The following MED24 variants were observed in gnomAD, a reference collection of about 807,000 sequenced individuals.
MED24 encodes mediator complex subunit 24, also known as mediator of RNA polymerase II transcription subunit 24.
A neutral mutation model predicts 118.8 loss-of-function variants in MED24; 74 were observed. That is an observed-to-expected ratio of 0.62 (90% CI 0.52 to 0.76). The LOEUF (loss-of-function observed/expected upper bound fraction) is 0.76, where lower values mean the gene tolerates loss of function less well. Among genes scored for constraint, MED24 ranks in the 30% least tolerant of loss-of-function variants. The probability of loss-of-function intolerance (pLI) is 0.00; values close to 1 mark genes in which losing one functional copy is unlikely to be tolerated. For synonymous variants in MED24, 521 were observed against 523.9 expected (o/e 0.99, Z 0.08); for missense variants, 1,041 against 1,278.9 (o/e 0.81, Z 2.84).
At chr17:40,027,141 C>T (rs1982761665) in intron 16 of MED24, 107 bp from the exon 17 acceptor site, 2 of 1,394,940 alleles carry the variant, frequency 1.4e-6, no homozygotes, top group Non-Finnish European at 2.0e-6. Flanking sequence ...TCCAGCCCAG[C>T]CCAAAGACTG....
Position 40,026,055 on chromosome 17 carries a change from G to A in MED24, c.1985+101C>T, listed in dbSNP as rs138008338. On this transcript the variant is annotated intron_variant, in intron 19 of 25. Coordinates refer to ENST00000394128, the MANE Select transcript of MED24 (RefSeq NM_014815.4). ...GAAAGTGAGTGAGTGATCAAGTAGC[G>A]TGTTTGCGAAGGTCAGAAAAGAGAG... 445 of 1,193,870 alleles carry A rather than the reference G, an allele frequency of 3.7e-4. 1 individual carries two copies. In the African/African-American group the frequency reaches 5.6e-3, roughly 15 times the overall value. The allele number at this position is 1,193,870 out of a possible 1,614,324, so 74.0% of individuals were successfully genotyped here.
At chr17:40,029,178 C>T (rs1034322121) in intron 13 of MED24, among the ~76,000 whole-genome samples, 12 of 152,194 alleles carry the variant, frequency 7.9e-5, no homozygotes, top group Non-Finnish European at 1.3e-4. Context: ...TTGGAGTGGG[C>T]AAGGTCACGG....
chr17:40,053,429 G>A (rs1219064462), intron 2 of MED24, 40 bp downstream of exon 2: 1 of 1,613,486 alleles, frequency 6.2e-7, no homozygotes, highest in Non-Finnish European at 8.5e-7. Flanking sequence ...ACTTCTCTGG[G>A]TTTATCCCTC....
chr17:40,040,240 G>A (rs11654208), intron 3 of MED24, among the ~76,000 whole-genome samples: 49,216 of 151,644 alleles, frequency 0.32, 8,700 homozygotes, highest in Middle Eastern at 0.49. Flanking sequence ...CACCATGCCC[G>A]GCTAATTTTG....
chr17:40,025,607 C>T (rs1346771367), intron 19 of MED24, among the ~76,000 whole-genome samples: 1 of 152,168 alleles, frequency 6.6e-6, no homozygotes, highest in Non-Finnish European at 1.5e-5. Flanking sequence ...AGACCTGTTA[C>T]ACAACAGTGT....
At chr17:40,020,043 G>GTGTT in intron 24 of MED24, 110 bp from the exon 25 acceptor site, 1 of 1,370,410 alleles carries the variant, frequency 7.3e-7, no homozygotes, top group Non-Finnish European at 1.0e-6. Flanking sequence ...TGCTGAGCAT[G>GTGTT]TCCCCAAAAT....
At chr17:40,040,619 A>C (rs913063735) in intron 3 of MED24, among the ~76,000 whole-genome samples, 9 of 142,846 alleles carry the variant, frequency 6.3e-5, no homozygotes, top group East Asian at 2.1e-4. Flanking sequence ...TTTTAATTTT[A>C]TTTTCTTTTT....
At chr17:40,031,969 C>T in intron 10 of MED24, 74 bp downstream of exon 10, 1 of 1,506,948 alleles carries the variant, frequency 6.6e-7, no homozygotes, top group Non-Finnish European at 9.1e-7. Context: ...GAACACTGCC[C>T]AGCTGGGGCC....
chr17:40,052,002 G>A (rs554227735), intron 3 of MED24, among the ~76,000 whole-genome samples: 78 of 151,386 alleles, frequency 5.2e-4, no homozygotes, highest in African/African-American at 1.8e-3. Flanking sequence ...GCACATTTAC[G>A]GTAGGTAGAT....
intron 3 of MED24, among the ~76,000 whole-genome samples, chr17:40,036,896 G>T (rs1984005808): frequency 6.6e-6 from 1 of 152,036 alleles, no homozygotes; most frequent in East Asian, 1.9e-4. Context: ...CCTTGAAACA[G>T]GGAGTGGCTG....
At chr17:40,049,630 G>A (rs568847640) in intron 3 of MED24, among the ~76,000 whole-genome samples, 77 of 152,110 alleles carry the variant, frequency 5.1e-4, no homozygotes, top group South Asian at 1.5e-3. Context: ...TGGTTCAAGC[G>A]ATTCTCCTGC....
At chr17:40,053,986 C>A in intron 1 of MED24, 1 of 356,274 alleles carries the variant, frequency 2.8e-6, no homozygotes, top group South Asian at 3.4e-5. Flanking sequence ...CAAAATTAGC[C>A]GGGCTTGGTG....
At position 40,033,603 on chromosome 17, in the gene MED24, T is replaced by G. The variant is rs1466435919; in HGVS notation, c.560-147A>C. 5.5e-6 allele frequency: 4 copies of G among 728,948 alleles called. No homozygotes were observed. Among genetic ancestry groups the G allele is most frequent in the Non-Finnish European group, 9.8e-6 (4 of 410,148 alleles). The allele number at this position is 728,948 out of a possible 1,614,324, so 45.2% of individuals were successfully genotyped here. On this transcript the variant is annotated intron_variant, in intron 6 of 25. Coordinates refer to ENST00000394128, the MANE Select transcript of MED24 (RefSeq NM_014815.4). This position sits in a 1 kb window ranked among gnomAD's most constrained non-coding sequence, Gnocchi z 5.2. ...TGAGGACAACAGGGAGGGAGGGGCC[T>G]GAGGGCAGCATGCACTGTTTCCAGA...
chr17:40,053,302 G>A lies in MED24; in HGVS notation c.209C>T (p.Ser70Phe), dbSNP rs369961426. ...GGGGGTTTGCGGGAAGCTTACCTGG[G>A]AACTAATGGCATACTTCAGGTAGGA... The part of the protein sequence containing the change: ...ILSYLKYAIS[S>F]QMVSYSSVLT... Residue 70 changes from serine to phenylalanine, a missense_variant, in exon 3 of 26, where the codon TCC becomes TTC. Physicochemically the swap from Ser to Phe is radical, Grantham distance 155. Around this residue, in one of 3 missense-constraint regions of MED24, gnomAD observed 434 missense variants for 514.9 expected, o/e 0.84. Coordinates refer to ENST00000394128, the MANE Select transcript of MED24 (RefSeq NM_014815.4). 3 of 1,605,540 alleles carry A rather than the reference G, an allele frequency of 1.9e-6. No individual in the cohort carries two copies. Among genetic ancestry groups the A allele is most frequent in the Non-Finnish European group, 2.6e-6 (3 of 1,175,490 alleles).
intron 3 of MED24, among the ~76,000 whole-genome samples, chr17:40,042,299 G>A (rs561822892): frequency 6.6e-6 from 1 of 152,228 alleles, no homozygotes; most frequent in Non-Finnish European, 1.5e-5. Flanking sequence ...AAAAAATTTT[G>A]AAAAATAAAG....
rs1256629905 is a variant in MED24 at position 40,033,055 on chromosome 17, CCTGCATGCGCTTCACCATCGTCAG to C, written c.799_822del (p.Leu267_Gln274del). On this transcript the variant is annotated inframe_deletion and splice_region_variant, in exon 8 of 26. Transcript: ENST00000394128. The surrounding 1 kb of genome is among the most constrained non-coding windows in gnomAD (Gnocchi z 5.2). ...AGGGAGAGCCACTCGGCCCCTCCCA[CCTGCATGCGCTTCACCATCGTCAG>C]CTGCTCCACCAGGGACTGCGTCTCG... The C allele has an allele frequency of 6.2e-7, 1 of 1,613,854 alleles. No homozygotes were observed. Among genetic ancestry groups the C allele is most frequent in the East Asian group, 2.2e-5 (1 of 44,880 alleles).
At chr17:40,038,700 A>G (rs888811077) in intron 3 of MED24, among the ~76,000 whole-genome samples, 2 of 144,248 alleles carry the variant, frequency 1.4e-5, no homozygotes, top group Admixed American at 1.4e-4. Context: ...ACAGAGCAAG[A>G]CTCCATCTCA....
Position 40,027,955 on chromosome 17 carries a change from A to C in MED24, c.1410-9T>G. On this transcript the variant is annotated splice_polypyrimidine_tract_variant and intron_variant, in intron 14 of 25. Coordinates refer to ENST00000394128, the MANE Select transcript of MED24 (RefSeq NM_014815.4). ...TTGTGAATTCATTCAAACTGAAAGG[A>C]ATGGAGACAGGCTGCATTGACCAGG... is the stretch of plus-strand genomic sequence containing the variant. 1 of 1,613,842 alleles carries C rather than the reference A, an allele frequency of 6.2e-7. No homozygotes were observed. The highest frequency in any genetic ancestry group is 1.1e-5 in the South Asian group (1 of 91,088).
chr17:40,049,716 G>A (rs903153785), intron 3 of MED24, among the ~76,000 whole-genome samples: 9 of 151,466 alleles, frequency 5.9e-5, no homozygotes, highest in Admixed American at 2.0e-4. Flanking sequence ...TAGTAGAGAC[G>A]GGGTTTCACC....
Sources: gnomAD v4.1 joint callset for allele counts (sites outside exome capture counted in the v4.1 genomes callset) on GRCh38, gnomAD v4.1.1 for gene constraint, gnomAD v4.1.1 regional missense constraint, Gnocchi (gnomAD v3.1) non-coding constraint, MANE v1.5 for transcripts, NCBI Gene and HGNC (gene_info 2026-07-23, HGNC 2026-07-21) for gene names.